The following JAZF1 variants were observed in gnomAD, a reference collection of about 807,000 sequenced individuals.
The protein encoded by JAZF1 is juxtaposed with another zinc finger protein 1.
Under a neutral mutation model 26.4 loss-of-function variants are expected in JAZF1, and 8 were observed. That is an observed-to-expected ratio of 0.30 (90% CI 0.18 to 0.55). JAZF1 has a LOEUF of 0.55. Among genes scored for constraint, JAZF1 ranks in the 20% least tolerant of loss-of-function variants. The pLI is 0.94. For synonymous variants in JAZF1, 126 were observed against 122.3 expected (o/e 1.03, Z -0.20); for missense variants, 199 against 322.0 (o/e 0.62, Z 2.92).
At chr7:28,001,301 G>A (rs984507414) in intron 1 of JAZF1, among the ~76,000 whole-genome samples, 3 of 152,024 alleles carry the variant, frequency 2.0e-5, no homozygotes, top group Non-Finnish European at 4.4e-5. Context: ...GCAGTCAGCC[G>A]AGAACGTGCC....
chr7:28,098,377 TTTG>T (rs1250164415), intron 1 of JAZF1, among the ~76,000 whole-genome samples: 1 of 152,098 alleles, frequency 6.6e-6, no homozygotes, highest in East Asian at 1.9e-4. Flanking sequence ...TCTGCAGTAT[TTTG>T]TTGTAGCAGC....
chr7:28,088,712 G>C (rs954331240), intron 1 of JAZF1, among the ~76,000 whole-genome samples: 1 of 152,126 alleles, frequency 6.6e-6, no homozygotes, highest in African/African-American at 2.4e-5. Context: ...TCCTCTGTTA[G>C]AACTCTGTTA....
chr7:27,951,965 A>G (rs1386807467), intron 2 of JAZF1, among the ~76,000 whole-genome samples: 1 of 152,138 alleles, frequency 6.6e-6, no homozygotes, highest in Non-Finnish European at 1.5e-5. Flanking sequence ...AAACTACAAA[A>G]GCCTACTCTT....
chr7:28,018,760 T>C (rs993120111), intron 1 of JAZF1, among the ~76,000 whole-genome samples: 1 of 152,216 alleles, frequency 6.6e-6, no homozygotes, highest in Non-Finnish European at 1.5e-5. Flanking sequence ...AAGGTTCTAC[T>C]GTGTTCTGGT....
Position 27,887,477 on chromosome 7 carries a change from G to A in JAZF1, c.385+7743C>T, listed in dbSNP as rs192218186. Among the ~76,000 whole-genome samples, 236 of 152,228 alleles carry A rather than the reference G, an allele frequency of 1.6e-3. 1 individual carries two copies. The highest frequency in any genetic ancestry group is 5.3e-3 in the African/African-American group (221 of 41,540). ...GTTACCCAGCCTGGAGTGCAGTGGA[G>A]CAATCTTGGCTCACTACAACCTCTG... On this transcript the variant is annotated intron_variant, in intron 3 of 4. Coordinates refer to ENST00000283928, the MANE Select transcript of JAZF1 (RefSeq NM_175061.4).
chr7:27,987,214 G>A (rs6980134), intron 2 of JAZF1, among the ~76,000 whole-genome samples: 2,118 of 151,774 alleles, frequency 0.014, 57 homozygotes, highest in African/African-American at 0.049. Context: ...GGTGAGGAGC[G>A]TCTCTGCCTG....
chr7:27,879,086 C>G (rs1783726263), intron 3 of JAZF1, among the ~76,000 whole-genome samples: 2 of 152,234 alleles, frequency 1.3e-5, no homozygotes, highest in African/African-American at 4.8e-5. Flanking sequence ...TCAGGAGTCT[C>G]TGAAACCTGT....
chr7:27,956,673 AG>A (rs1273844691), intron 2 of JAZF1, among the ~76,000 whole-genome samples: 4 of 152,192 alleles, frequency 2.6e-5, no homozygotes, highest in Admixed American at 6.5e-5. Context: ...TCAGAGTACA[AG>A]GCCAGAAAAC....
intron 1 of JAZF1, among the ~76,000 whole-genome samples, chr7:28,077,884 C>T (rs925013237): frequency 9.2e-5 from 14 of 152,286 alleles, no homozygotes; most frequent in African/African-American, 3.4e-4. Context: ...GGATTATGTA[C>T]ATCCGGGTCC....
intron 1 of JAZF1, among the ~76,000 whole-genome samples, chr7:28,139,192 A>C (rs1014759775): frequency 6.6e-6 from 1 of 151,998 alleles, no homozygotes; most frequent in South Asian, 2.1e-4. Flanking sequence ...CCATCAACCC[A>C]CTCCATCTAT....
At chr7:28,047,469 C>A (rs920066144) in intron 1 of JAZF1, among the ~76,000 whole-genome samples, 1 of 152,050 alleles carries the variant, frequency 6.6e-6, no homozygotes, top group Non-Finnish European at 1.5e-5. Context: ...AAATGTATCT[C>A]TGTTTATCAA....
chr7:28,155,854 C>T (rs1482774822), intron 1 of JAZF1, among the ~76,000 whole-genome samples: 2 of 152,192 alleles, frequency 1.3e-5, no homozygotes, highest in Admixed American at 6.5e-5. Flanking sequence ...CTGCTTCTTC[C>T]TGGGAAGATG....
intron 3 of JAZF1, among the ~76,000 whole-genome samples, chr7:27,867,849 A>C (rs1783504301): frequency 6.6e-6 from 1 of 152,164 alleles, no homozygotes; most frequent in Non-Finnish European, 1.5e-5. Context: ...CTTCTCTTAG[A>C]CATGGGCATT....
At chr7:27,865,206 C>T (rs931864162) in intron 3 of JAZF1, among the ~76,000 whole-genome samples, 4 of 152,192 alleles carry the variant, frequency 2.6e-5, no homozygotes, top group Non-Finnish European at 5.9e-5. Context: ...CCTGTCTCCA[C>T]AAAAAATACA....
At chr7:28,132,038 T>G (rs1782803065) in intron 1 of JAZF1, among the ~76,000 whole-genome samples, 1 of 152,224 alleles carries the variant, frequency 6.6e-6, no homozygotes, top group African/African-American at 2.4e-5. Context: ...CATGATCAGA[T>G]GCTTCTTGGG....
At chr7:27,849,521 T>C (rs1350709292) in intron 3 of JAZF1, among the ~76,000 whole-genome samples, 2 of 152,166 alleles carry the variant, frequency 1.3e-5, no homozygotes, top group African/African-American at 4.8e-5. Flanking sequence ...TCATACTCCA[T>C]GGTTTCATAA....
At chr7:28,071,183 A>G (rs1783969461) in intron 1 of JAZF1, among the ~76,000 whole-genome samples, 1 of 152,246 alleles carries the variant, frequency 6.6e-6, no homozygotes, top group Non-Finnish European at 1.5e-5. Flanking sequence ...CAAAGATCCA[A>G]CTAGGTGTAG....
intron 2 of JAZF1, among the ~76,000 whole-genome samples, chr7:27,953,161 G>A (rs1785039275): frequency 6.6e-6 from 1 of 152,188 alleles, no homozygotes; most frequent in Non-Finnish European, 1.5e-5. Context: ...GAAAAGTTAA[G>A]TCATATAAGG....
chr7:27,986,917 G>A (rs981851798), intron 2 of JAZF1, among the ~76,000 whole-genome samples: 4 of 152,098 alleles, frequency 2.6e-5, no homozygotes, highest in Admixed American at 6.5e-5. Context: ...TGGGCCTCCC[G>A]AGGTGCCAGG....
Sources: allele counts gnomAD v4.1 joint callset (sites outside exome capture counted in the v4.1 genomes callset), GRCh38; gene constraint gnomAD v4.1.1; transcripts MANE v1.5; gene names NCBI Gene and HGNC (gene_info 2026-07-23, HGNC 2026-07-21).